Variants in PDGFRL observed in about 807,000 individuals in gnomAD.
PDGFRL encodes platelet-derived growth factor receptor-like protein.
Under a neutral mutation model 37.2 loss-of-function variants are expected in PDGFRL, and 46 were observed. The observed-to-expected ratio is 1.24, with a 90% CI of 0.98 to 1.58. The LOEUF is 1.58. Among genes scored for constraint, PDGFRL ranks in the 40% most tolerant of loss-of-function variants. The probability of loss-of-function intolerance (pLI) is 0.00; values close to 1 mark genes in which losing one functional copy is unlikely to be tolerated. For synonymous variants in PDGFRL, 251 were observed against 184.3 expected, an observed-to-expected ratio of 1.36 and a Z score of -2.93; for missense variants, 692 against 467.6, an observed-to-expected ratio of 1.48 and a Z score of -4.43.
At position 17,604,877 on chromosome 8, in the gene PDGFRL, G is replaced by T. The variant is rs568886660; in HGVS notation, c.353+15112G>T. Among the ~76,000 whole-genome samples, 3 of 152,318 alleles carry T rather than the reference G, an allele frequency of 2.0e-5. No individual in the cohort carries two copies. In the South Asian group the frequency reaches 6.2e-4, roughly 32 times the overall value. ...GCCTGTAATTCCAGCCCTTTGGGAG[G>T]CTGAGGCGGGTGAATCACTTGAGCT... is the stretch of plus-strand genomic sequence containing the variant. On this transcript the variant is annotated intron_variant, in intron 2 of 5. Coordinates refer to ENST00000251630, the MANE Select transcript of PDGFRL (RefSeq NM_001372073.1).
At chr8:17,600,881 C>T (rs1418756811) in intron 2 of PDGFRL, among the ~76,000 whole-genome samples, 1 of 151,874 alleles carries the variant, frequency 6.6e-6, no homozygotes, top group Non-Finnish European at 1.5e-5. Flanking sequence ...ACTTGGGAGG[C>T]TCGGATGGTA....
chr8:17,609,406 C>CTT (rs1804355416), intron 2 of PDGFRL, among the ~76,000 whole-genome samples: 3 of 151,144 alleles, frequency 2.0e-5, no homozygotes, highest in Admixed American at 6.6e-5. Flanking sequence ...ACTTGGGAGG[C>CTT]GCAGGTTGCA....
At chr8:17,599,625 T>C (rs146955438) in intron 2 of PDGFRL, among the ~76,000 whole-genome samples, 178 of 152,358 alleles carry the variant, frequency 1.2e-3, no homozygotes, top group African/African-American at 4.3e-3. Flanking sequence ...TGGCCGTGGC[T>C]GCCAGTAGAT....
Position 17,628,648 on chromosome 8 carries a change from A to G in PDGFRL, c.667A>G (p.Ile223Val), listed in dbSNP as rs770742751. The change falls in exon 4 of 6, where the codon ATT becomes GTT. Residue 223 changes from isoleucine to valine, a missense_variant. Transcript: ENST00000251630. ...AKEIPANGTD[I>V]VYDMKRGFVY... is the part of the protein sequence containing the mutation. Reference sequence around the variant, plus strand: ...GGAGATCCCAGCCAATGGAACGGACATTGTTTATGACATGAAGCGGGGCTT... The same window carrying G: ...GGAGATCCCAGCCAATGGAACGGACGTTGTTTATGACATGAAGCGGGGCTT... 25 of 1,614,082 alleles carry G rather than the reference A, an allele frequency of 1.5e-5. No homozygotes were observed. Among genetic ancestry groups the G allele is most frequent in the African/African-American group, 2.7e-5 (2 of 74,948 alleles).
chr8:17,629,675 T>C (rs2237839), intron 4 of PDGFRL, among the ~76,000 whole-genome samples: 122,868 of 152,052 alleles, frequency 0.81, 50,265 homozygotes, highest in East Asian at 0.92. Context: ...GACTTTGATA[T>C]CGACTTGGTA....
chr8:17,621,022 C>T, intron 2 of PDGFRL, 29 bp from the exon 3 acceptor site: 1 of 1,563,464 alleles, frequency 6.4e-7, no homozygotes, highest in Non-Finnish European at 8.7e-7. Flanking sequence ...GTCTGACTTG[C>T]TTTGAGTTCA....
At chr8:17,593,551 T>C (rs1333276116) in intron 2 of PDGFRL, among the ~76,000 whole-genome samples, 1 of 150,572 alleles carries the variant, frequency 6.6e-6, no homozygotes, top group African/African-American at 2.5e-5. Flanking sequence ...TGAGCCGTGA[T>C]CATACCACTA....
At position 17,589,474 on chromosome 8, in the gene PDGFRL, G is replaced by C. The variant is rs369069249; in HGVS notation, c.62G>C (p.Gly21Ala). The C allele has an allele frequency of 6.2e-7, 1 of 1,611,808 alleles. No homozygotes were observed. Among genetic ancestry groups the C allele is most frequent in the Admixed American group, 1.7e-5 (1 of 59,914 alleles). ...LVHEALEDVT[G>A]QHLPKNKRPK... ...CTCTCCTTACGTTTTGCAGTTACTG[G>C]CCAACACCTTCCCAAGAACAAGCGT... Residue 21 changes from glycine to alanine, a missense_variant, in exon 2 of 6, where the codon GGC becomes GCC. Transcript: ENST00000251630.
In PDGFRL at chr8:17,642,701, CA is replaced by C. The variant is rs1805167556; in HGVS notation, c.1029del (p.Val344TrpfsTer25). The C allele has an allele frequency of 6.2e-7, 1 of 1,602,054 alleles. No homozygotes were observed. The highest frequency in any genetic ancestry group is 1.1e-5 in the South Asian group (1 of 90,838). ...HTTRISQSVITVEDFETIDAG... is the reference protein window; with the variant it reads ...HTTRISQSVIXVEDFETIDAG... ...ACGAGAATCTCCCAGAGTGTCATTA[CA>C]GTGGAAGACTTTGAGACGATTGATG... On this transcript the variant is annotated frameshift_variant, in exon 6 of 6. Coordinates refer to ENST00000251630, the MANE Select transcript of PDGFRL (RefSeq NM_001372073.1). LOFTEE classifies it high-confidence loss of function.
intron 2 of PDGFRL, among the ~76,000 whole-genome samples, chr8:17,616,146 C>T (rs1341325694): frequency 6.6e-6 from 1 of 151,572 alleles, no homozygotes; most frequent in African/African-American, 2.4e-5. Flanking sequence ...TTCCAAAGTC[C>T]ATGATTTTAT....
chr8:17,594,077 T>A (rs920360615), intron 2 of PDGFRL, among the ~76,000 whole-genome samples: 1 of 151,920 alleles, frequency 6.6e-6, no homozygotes, highest in South Asian at 2.1e-4. Context: ...TTCTATGAGT[T>A]TGACAACTCT....
chr8:17,589,066 T>C lies in PDGFRL; in HGVS notation c.56-402T>C, dbSNP rs1341988686. ...TGAGGAGGGGAGGATTAAAAAGTTATCTTCTCTAGAGTTACCTAAAAGCTA... is the reference window on the plus strand; with the variant it reads ...TGAGGAGGGGAGGATTAAAAAGTTACCTTCTCTAGAGTTACCTAAAAGCTA... On this transcript the variant is annotated intron_variant, in intron 1 of 5. Transcript: ENST00000251630. Among the ~76,000 whole-genome samples, 4 of 152,144 alleles carry C rather than the reference T, an allele frequency of 2.6e-5. No individual in the cohort carries two copies. The South Asian group carries it at 6.2e-4, about 24-fold the overall frequency.
intron 2 of PDGFRL, among the ~76,000 whole-genome samples, chr8:17,612,558 A>G (rs1302871589): frequency 1.3e-5 from 2 of 152,138 alleles, no homozygotes; most frequent in East Asian, 1.9e-4. Context: ...TTTAGTAGAT[A>G]TGTGGTTTCA....
intron 1 of PDGFRL, among the ~76,000 whole-genome samples, chr8:17,583,033 G>A (rs1182450473): frequency 6.6e-6 from 1 of 152,170 alleles, no homozygotes; most frequent in Non-Finnish European, 1.5e-5. Context: ...AAGCAGAACA[G>A]AGAGGTTGCT....
At position 17,634,135 on chromosome 8, in the gene PDGFRL, C is replaced by A; in HGVS notation, c.861C>A (p.Asp287Glu). 2.5e-6 allele frequency: 4 copies of A among 1,612,944 alleles called. No individual in the cohort carries two copies. The highest frequency in any genetic ancestry group is 3.4e-6 in the Non-Finnish European group (4 of 1,178,938). The stretch of plus-strand genomic sequence containing the variant: ...CTTCAAACAAAGTGAAAAGTGGGGA[C>A]GACATCAGTGTGCTCTGCACTGTCC... ...LASSNKVKSG[D>E]DISVLCTVLG... The change falls in exon 5 of 6, where the codon GAC becomes GAA. Residue 287 changes from aspartate (D) to glutamate (E), a missense_variant. Asp to Glu is a conservative substitution (Grantham distance 45). Coordinates refer to ENST00000251630, the MANE Select transcript of PDGFRL (RefSeq NM_001372073.1).
intron 4 of PDGFRL, among the ~76,000 whole-genome samples, chr8:17,631,946 G>A (rs1340246232): frequency 6.6e-6 from 1 of 152,178 alleles, no homozygotes; most frequent in African/African-American, 2.4e-5. Context: ...CCAAGTGAAC[G>A]GAAGTGGCCG....
intron 3 of PDGFRL, among the ~76,000 whole-genome samples, chr8:17,622,595 G>A (rs1804656165): frequency 6.6e-6 from 1 of 152,188 alleles, no homozygotes; most frequent in East Asian, 1.9e-4. Flanking sequence ...TCATTTTGAT[G>A]CAGACTTTTT....
chr8:17,592,911 TACATGCACACACACACACACAC>T (rs1803971680), intron 2 of PDGFRL, among the ~76,000 whole-genome samples: 2 of 147,972 alleles, frequency 1.4e-5, no homozygotes, highest in Non-Finnish European at 3.0e-5. Context: ...TAAACCCACA[TACATGCACACACACACACACAC>T]ACACACACAC....
intron 3 of PDGFRL, among the ~76,000 whole-genome samples, chr8:17,624,807 C>G (rs550193066): frequency 1.8e-3 from 281 of 152,202 alleles, no homozygotes; most frequent in African/African-American, 6.5e-3. Flanking sequence ...ACTCGGGAGG[C>G]TGAGGCACAA....
Sources: gnomAD v4.1 joint callset for allele counts (sites outside exome capture counted in the v4.1 genomes callset) on GRCh38, gnomAD v4.1.1 for gene constraint, MANE v1.5 for transcripts, NCBI Gene and HGNC (gene_info 2026-07-23, HGNC 2026-07-21) for gene names.